Variants in PTPRD observed in about 807,000 individuals in gnomAD.
PTPRD encodes receptor-type tyrosine-protein phosphatase delta.
A neutral mutation model predicts 214.5 loss-of-function variants in PTPRD; 34 were observed. The ratio of observed to expected loss-of-function variants is 0.16; its 90% CI spans 0.12 to 0.21. The LOEUF (loss-of-function observed/expected upper bound fraction) is 0.21. Ranked by LOEUF, PTPRD falls within the 10% of genes least tolerant of loss-of-function variation. PTPRD has a pLI of 1.00. For synonymous variants in PTPRD, 1,128 were observed against 845.7 expected, an observed-to-expected ratio of 1.33 and a Z score of -5.79; for missense variants, 2,545 against 2,398.7, an observed-to-expected ratio of 1.06 and a Z score of -1.27.
chr9:9,661,262 C>A (rs991385465), intron 7 of PTPRD, among the ~76,000 whole-genome samples: 3 of 151,820 alleles, frequency 2.0e-5, no homozygotes, highest in African/African-American at 7.2e-5. Context: ...TAAATAAAAA[C>A]TAATTATATG....
At chr9:9,593,166 A>T (rs1465016074) in intron 7 of PTPRD, among the ~76,000 whole-genome samples, 1 of 149,662 alleles carries the variant, frequency 6.7e-6, no homozygotes, top group Non-Finnish European at 1.5e-5. Context: ...GAAAAAAGAA[A>T]AATGAATTTA....
intron 44 of PTPRD, among the ~76,000 whole-genome samples, chr9:8,324,072 A>T (rs1473868829): frequency 6.6e-6 from 1 of 151,608 alleles, no homozygotes; most frequent in African/African-American, 2.4e-5. Flanking sequence ...AAAGATTAAA[A>T]CTTACCGGAG....
At chr9:8,940,273 C>CTCTCTCCT in intron 11 of PTPRD, among the ~76,000 whole-genome samples, 3 of 73,866 alleles carry the variant, frequency 4.1e-5, no homozygotes. Context: ...CTCTCTCTCT[C>CTCTCTCCT]TCTCTCCTTT....
chr9:9,385,693 AG>A (rs1172690886), intron 9 of PTPRD, among the ~76,000 whole-genome samples: 1 of 152,206 alleles, frequency 6.6e-6, no homozygotes, highest in East Asian at 1.9e-4. Flanking sequence ...ATGCTGGGTA[AG>A]GGAACACCCA....
intron 3 of PTPRD, among the ~76,000 whole-genome samples, chr9:10,194,495 A>G (rs1414763621): frequency 6.6e-6 from 1 of 151,848 alleles, no homozygotes; most frequent in Non-Finnish European, 1.5e-5. Flanking sequence ...TCTGAGGTTG[A>G]AAGATGTTAA....
intron 11 of PTPRD, among the ~76,000 whole-genome samples, chr9:8,790,161 C>T (rs1021224909): frequency 6.6e-6 from 1 of 151,628 alleles, no homozygotes; most frequent in Non-Finnish European, 1.5e-5. Context: ...GGACTACAGG[C>T]ACGCATCACT....
At chr9:9,840,486 G>A (rs903048831) in intron 5 of PTPRD, among the ~76,000 whole-genome samples, 7 of 152,030 alleles carry the variant, frequency 4.6e-5, no homozygotes, top group African/African-American at 1.7e-4. Flanking sequence ...GCCTAATAAT[G>A]GCATGCCTGA....
At chr9:8,320,955 T>C (rs1052450947) in intron 44 of PTPRD, among the ~76,000 whole-genome samples, 5 of 151,970 alleles carry the variant, frequency 3.3e-5, no homozygotes, top group East Asian at 1.9e-4. Context: ...CTGTAGAAAA[T>C]AGATGGATTC....
intron 2 of PTPRD, among the ~76,000 whole-genome samples, chr9:10,396,245 T>G (rs2098168065): frequency 6.6e-6 from 1 of 152,008 alleles, no homozygotes; most frequent in South Asian, 2.1e-4. Flanking sequence ...CCTCTAGACT[T>G]TATCTCAGAA....
chr9:9,421,950 CAAT>C (rs1229475831), intron 8 of PTPRD, among the ~76,000 whole-genome samples: 1 of 149,638 alleles, frequency 6.7e-6, no homozygotes, highest in Non-Finnish European at 1.5e-5. Context: ...AAACAAACAA[CAAT>C]AACACAAACA....
intron 44 of PTPRD, 60 bp downstream of exon 44, chr9:8,331,522 A>ATACAGACAATG (rs1457126696): frequency 1.3e-6 from 2 of 1,589,682 alleles, no homozygotes; most frequent in Non-Finnish European, 1.7e-6. Flanking sequence ...CAAAAAGTGT[A>ATACAGACAATG]TACAGACAAT....
chr9:8,451,482 A>T (rs1417149635), intron 33 of PTPRD, among the ~76,000 whole-genome samples: 1 of 152,230 alleles, frequency 6.6e-6, no homozygotes, highest in East Asian at 1.9e-4. Context: ...GAGGACGAAG[A>T]AAAAGACAGG....
intron 3 of PTPRD, among the ~76,000 whole-genome samples, chr9:10,155,268 A>G (rs1386794321): frequency 1.3e-5 from 2 of 151,948 alleles, no homozygotes; most frequent in Admixed American, 6.6e-5. Context: ...GGCATATTGG[A>G]ATGCTGGTGA....
At chr9:10,207,829 T>A (rs556570478) in intron 3 of PTPRD, among the ~76,000 whole-genome samples, 2 of 152,056 alleles carry the variant, frequency 1.3e-5, no homozygotes, top group Non-Finnish European at 2.9e-5. Flanking sequence ...AAAAGTGTTA[T>A]ATCTTCTCGT....
rs1200349711 is a variant in PTPRD, at chr9:9,338,483, A to AT, written c.-203+58965dup. Among the ~76,000 whole-genome samples, 6 of 152,162 alleles carry AT rather than the reference A, an allele frequency of 3.9e-5. No homozygotes were observed. In the East Asian group the frequency reaches 9.6e-4, roughly 24 times the overall value. On this transcript the variant is annotated intron_variant, in intron 9 of 45. Transcript: ENST00000381196. ...GTTTTTTTAGTTAAAAAACATTTTA[A>AT]TTTTTTAAATCTAATGTTTTTATAT...
intron 10 of PTPRD, among the ~76,000 whole-genome samples, chr9:9,086,532 A>T (rs2099767275): frequency 1.3e-5 from 2 of 152,080 alleles, no homozygotes; most frequent in African/African-American, 4.8e-5. Flanking sequence ...TAAGCCCTAG[A>T]TTGGATTCTC....
At chr9:9,896,522 C>T (rs10978071) in intron 5 of PTPRD, among the ~76,000 whole-genome samples, 75,976 of 151,774 alleles carry the variant, frequency 0.5, 22,754 homozygotes, top group Admixed American at 0.66. Flanking sequence ...TAGCTAAACA[C>T]ATTTTTTAAA....
At chr9:9,858,618 G>T (rs2062027101) in intron 5 of PTPRD, among the ~76,000 whole-genome samples, 2 of 152,124 alleles carry the variant, frequency 1.3e-5, no homozygotes, top group Admixed American at 1.3e-4. Context: ...ATTGGTCCGT[G>T]TCTCAGTTTC....
intron 7 of PTPRD, among the ~76,000 whole-genome samples, chr9:9,676,635 TATACC>T (rs1340981972): frequency 6.6e-6 from 1 of 152,150 alleles, no homozygotes; most frequent in Non-Finnish European, 1.5e-5. Flanking sequence ...CCTTTGGGTA[TATACC>T]CAGTAATGGG....
Sources: gnomAD v4.1 joint callset for allele counts (sites outside exome capture counted in the v4.1 genomes callset) on GRCh38, gnomAD v4.1.1 for gene constraint, MANE v1.5 for transcripts, NCBI Gene and HGNC (gene_info 2026-07-23, HGNC 2026-07-21) for gene names.